The following ZNF574 variants were observed in gnomAD, a reference collection of about 807,000 sequenced individuals.
ZNF574 encodes zinc finger protein 574.
ZNF574 carries 25 observed loss-of-function variants against 56.6 expected under a neutral mutation model. That is an observed-to-expected ratio of 0.44 (90% CI 0.32 to 0.62). The LOEUF is 0.62. Ranked by LOEUF, ZNF574 falls within the 20% of genes least tolerant of loss-of-function variation. The probability of loss-of-function intolerance (pLI) is 0.04; values close to 1 mark genes in which losing one functional copy is unlikely to be tolerated. For missense variants in ZNF574, 1,065 were observed against 1,218.9 expected (o/e 0.87, Z 1.88); for synonymous variants, 543 against 492.1 (o/e 1.10, Z -1.37).
intron 1 of ZNF574, chr19:42,069,059 G>A: frequency 2.1e-6 from 1 of 466,390 alleles, no homozygotes; most frequent in Admixed American, 4.0e-5. Context: ...AAGAAGAGGT[G>A]AGAAGAGGTC....
Position 42,080,243 on chromosome 19 carries a change from C to T in ZNF574, c.1637C>T (p.Thr546Ile), listed in dbSNP as rs2076488569. 1 of 1,614,176 alleles carries T rather than the reference C, an allele frequency of 6.2e-7. No homozygotes were observed. Among genetic ancestry groups the T allele is most frequent in the Non-Finnish European group, 8.5e-7 (1 of 1,180,034 alleles). The change falls in exon 2 of 2, where the codon ACA (threonine) becomes ATA (isoleucine). Residue 546 changes from threonine (T) to isoleucine (I), a missense_variant. Transcript: ENST00000359044. The surrounding 1 kb of genome is among the most constrained non-coding windows in gnomAD (Gnocchi z 8.5). ...ANLARHRLTH[T>I]GERPYRCGDC... ...CTGGCCCGCCACCGGCTCACACACA[C>T]AGGAGAGCGGCCCTACCGGTGTGGG...
At chr19:42,072,236 CTTTTTTT>C (rs1200141888), upstream of ZNF574, among the ~76,000 whole-genome samples, 2 of 135,176 alleles carry the variant, frequency 1.5e-5, no homozygotes, top group East Asian at 4.2e-4. Context: ...TTTTCCTTTT[CTTTTTTT>C]TTTTTTTTTG....
Position 42,081,400 on chromosome 19 carries a change from C to A in ZNF574, c.*103C>A. On this transcript the variant is annotated 3_prime_UTR_variant, in exon 2 of 2. Transcript: ENST00000359044. Reference sequence around the variant, plus strand: ...TACTGTGTCCCTTCCTCTTCCCATCCCCACCACCTTGTAAGTTCTAAATTG... The same window carrying A: ...TACTGTGTCCCTTCCTCTTCCCATCACCACCACCTTGTAAGTTCTAAATTG... 2 of 1,436,968 alleles carry A rather than the reference C, an allele frequency of 1.4e-6. No homozygotes were observed. Among genetic ancestry groups the A allele is most frequent in the Non-Finnish European group, 2.0e-6 (2 of 1,025,506 alleles). 89.0% of individuals were successfully genotyped at this position (1,436,968 alleles called of 1,614,324 possible). A position where few individuals can be genotyped will look rare whatever the true frequency, so the allele number is the denominator to read the frequency against.
Position 42,078,792 on chromosome 19 carries a change from A to C in ZNF574, c.186A>C (p.Ser62=). 6.2e-7 allele frequency: 1 copy of C among 1,614,058 alleles called. No homozygotes were observed. The highest frequency in any genetic ancestry group is 1.1e-5 in the South Asian group (1 of 91,084). Residue 62 remains serine (S), a synonymous_variant, in exon 2 of 2, where the codon TCA becomes TCC. Coordinates refer to ENST00000359044, the MANE Select transcript of ZNF574 (RefSeq NM_022752.6). The part of the protein sequence containing the change: ...PGVTVATDTA[S]GTGLYQTLVQ... ...TCACTGTGGCCACAGACACAGCTTC[A>C]GGCACGGGCCTCTATCAGACCCTTG...
Position 42,079,201 on chromosome 19 carries a change from G to A in ZNF574, c.595G>A (p.Ala199Thr), listed in dbSNP as rs751640879. The change falls in exon 2 of 2, where the codon GCT (alanine) becomes ACT (threonine). Residue 199 changes from alanine to threonine, a missense_variant. Coordinates refer to ENST00000359044, the MANE Select transcript of ZNF574 (RefSeq NM_022752.6). This position sits in a 1 kb window ranked among gnomAD's most constrained non-coding sequence, Gnocchi z 4.3. ...GGAAGGGGCGACTGTCCCATCTGCC[G>A]CTGCCACCACCACTGAGGTAGTGAC... ...GGEGATVPSAAATTTEVVTEV... is the reference protein window; with the variant it reads ...GGEGATVPSATATTTEVVTEV... 6.8e-6 allele frequency: 11 copies of A among 1,613,836 alleles called. No homozygotes were observed. The highest frequency in any genetic ancestry group is 2.2e-5 in the East Asian group (1 of 44,874).
At chr19:42,072,224 T>C (rs1568940800), upstream of ZNF574, among the ~76,000 whole-genome samples, 1 of 151,280 alleles carries the variant, frequency 6.6e-6, no homozygotes, top group African/African-American at 2.4e-5. Flanking sequence ...AATTTTCTTT[T>C]TTTTTCCTTT....
chr19:42,079,205 C>T lies in ZNF574; in HGVS notation c.599C>T (p.Ala200Val), dbSNP rs755502441. The T allele has an allele frequency of 6.2e-7, 1 of 1,613,948 alleles. No individual in the cohort carries two copies. The highest frequency in any genetic ancestry group is 8.5e-7 in the Non-Finnish European group (1 of 1,180,016). The change falls in exon 2 of 2, where the codon GCC becomes GTC. Residue 200 changes from alanine (A) to valine (V), a missense_variant. Ala to Val is a moderately conservative substitution (Grantham distance 64). Transcript: ENST00000359044. The surrounding 1 kb of genome is among the most constrained non-coding windows in gnomAD (Gnocchi z 4.3). ...GEGATVPSAAATTTEVVTEVE... is the reference protein window; with the variant it reads ...GEGATVPSAAVTTTEVVTEVE... The stretch of plus-strand genomic sequence containing the variant: ...GGGGCGACTGTCCCATCTGCCGCTG[C>T]CACCACCACTGAGGTAGTGACTGAG...
Position 42,078,866 on chromosome 19 carries a change from C to CA in ZNF574, c.261dup (p.Pro88ThrfsTer24). 6.2e-7 allele frequency: 1 copy of CA among 1,614,088 alleles called. No homozygotes were observed. On this transcript the variant is annotated frameshift_variant, in exon 2 of 2. Transcript: ENST00000359044. LOFTEE classifies it high-confidence loss of function. The stretch of plus-strand genomic sequence containing the variant: ...CTGGAGTGTGGTCAACTGCTGATGT[C>CA]ACCCAGCCAGCTCCTGGAGCACCAG...
In ZNF574 at chr19:42,078,926, C is replaced by T. The variant is rs756286103; in HGVS notation, c.320C>T (p.Ala107Val). 2 of 1,613,942 alleles carry T rather than the reference C, an allele frequency of 1.2e-6. No individual in the cohort carries two copies. Among genetic ancestry groups the T allele is most frequent in the East Asian group, 2.2e-5 (1 of 44,890 alleles). ...CTGAAGATGATGGCACCCCAGGAGG[C>T]AGTGCCAGCTGAGCCATCACCTAAG... ...LHLKMMAPQE[A>V]VPAEPSPKAP... Residue 107 changes from alanine to valine, a missense_variant, in exon 2 of 2, where the codon GCA (alanine) becomes GTA (valine). Physicochemically the swap from Ala to Val is moderately conservative, Grantham distance 64 (BLOSUM62 0). Coordinates refer to ENST00000359044, the MANE Select transcript of ZNF574 (RefSeq NM_022752.6).
At chr19:42,074,613 TAGGCTC>T (rs1340433462), upstream of ZNF574, 1 of 152,098 alleles carries the variant, frequency 6.6e-6, no homozygotes, top group East Asian at 1.9e-4. Flanking sequence ...ATTAGAAACT[TAGGCTC>T]AGGACAGTTG....
upstream of ZNF574, among the ~76,000 whole-genome samples, chr19:42,073,200 A>G (rs2076435820): frequency 6.6e-6 from 1 of 152,138 alleles, no homozygotes; most frequent in Non-Finnish European, 1.5e-5. Context: ...CTTCCTAACT[A>G]TGGGAACTAC....
At chr19:42,075,869 T>C (rs957855670), upstream of ZNF574, among the ~76,000 whole-genome samples, 1 of 151,996 alleles carries the variant, frequency 6.6e-6, no homozygotes, top group African/African-American at 2.4e-5. Flanking sequence ...CCGCTCAGAG[T>C]TCCCCTCTGG....
upstream of ZNF574, chr19:42,074,529 C>G (rs753322769): frequency 1.3e-5 from 2 of 152,050 alleles, no homozygotes; most frequent in Admixed American, 6.5e-5. Flanking sequence ...TCCTAGATGT[C>G]TTTTACTCTC....
rs200064399 is a variant in ZNF574 at position 42,079,329 on chromosome 19, A to G, written c.723A>G (p.Val241=). 56 of 1,613,412 alleles carry G rather than the reference A, an allele frequency of 3.5e-5. No individual in the cohort carries two copies. The South Asian group carries it at 3.6e-4, about 10-fold the overall frequency. ...EHQATHFPAP[V]PESQEPALQQ... ...AGGCCACTCACTTCCCTGCTCCTGT[A>G]CCCGAGTCTCAGGAGCCTGCCTTAC... Residue 241 remains valine (V), a synonymous_variant, in exon 2 of 2, where the codon GTA becomes GTG. Coordinates refer to ENST00000359044, the MANE Select transcript of ZNF574 (RefSeq NM_022752.6). This position sits in a 1 kb window ranked among gnomAD's most constrained non-coding sequence, Gnocchi z 4.3.
rs749445911 is a variant in ZNF574, at chr19:42,079,818, C to G, written c.1212C>G (p.Thr404=). 3 of 1,614,082 alleles carry G rather than the reference C, an allele frequency of 1.9e-6. No individual in the cohort carries two copies. The highest frequency in any genetic ancestry group is 2.7e-5 in the African/African-American group (2 of 74,932). The change falls in exon 2 of 2, where the codon ACC becomes ACG. Residue 404 remains threonine (T), a synonymous_variant. Transcript: ENST00000359044. The surrounding 1 kb of genome is among the most constrained non-coding windows in gnomAD (Gnocchi z 4.3). ...GTGGGAAGACCTTTGTCAACCTTAC[C>G]AAGTTCCTTTATCACCGGCGTACTC... ...CPCGKTFVNL[T]KFLYHRRTHG...
chr19:42,069,142 G>T, intron 1 of ZNF574: 1 of 405,134 alleles, frequency 2.5e-6, no homozygotes, highest in Non-Finnish European at 4.4e-6. Flanking sequence ...TGCCAGTCCG[G>T]AGAACGGGGA....
intron 1 of ZNF574, among the ~76,000 whole-genome samples, chr19:42,078,289 T>G (rs1471364913): frequency 6.6e-6 from 1 of 151,526 alleles, no homozygotes; most frequent in Non-Finnish European, 1.5e-5. Context: ...CACTGTGAGG[T>G]GTGGGAGATG....
Position 42,079,076 on chromosome 19 carries a change from C to T in ZNF574, c.470C>T (p.Pro157Leu). The T allele has an allele frequency of 1.2e-6, 2 of 1,614,188 alleles. No homozygotes were observed. Among genetic ancestry groups the T allele is most frequent in the Non-Finnish European group, 1.7e-6 (2 of 1,180,026 alleles). Residue 157 changes from proline (P) to leucine (L), a missense_variant, in exon 2 of 2, where the codon CCT becomes CTT. By Grantham distance (98) the Pro-to-Leu change is moderately conservative. Transcript: ENST00000359044. This position sits in a 1 kb window ranked among gnomAD's most constrained non-coding sequence, Gnocchi z 4.3. Reference protein sequence around the residue: ...THLRATPTKAPAPVVLGSPVV... With the variant: ...THLRATPTKALAPVVLGSPVV... ...CTCCGGGCCACACCCACCAAGGCTC[C>T]TGCCCCTGTTGTCCTGGGGTCCCCA...
rs1204007965 is a variant in ZNF574 at position 42,079,933 on chromosome 19, G to A, written c.1327G>A (p.Gly443Arg). ...GFPEPAPAET[G>R]EPEAPEPPVS... is the part of the protein sequence containing the mutation. ...CCCTGAGCCAGCCCCAGCAGAGACT[G>A]GAGAGCCAGAGGCCCCTGAGCCCCC... is the stretch of plus-strand genomic sequence containing the variant. Residue 443 changes from glycine to arginine, a missense_variant, in exon 2 of 2, where the codon GGA (glycine) becomes AGA (arginine). Gly to Arg is a moderately radical substitution (Grantham distance 125, BLOSUM62 -2). Coordinates refer to ENST00000359044, the MANE Select transcript of ZNF574 (RefSeq NM_022752.6). The surrounding 1 kb of genome is among the most constrained non-coding windows in gnomAD (Gnocchi z 4.3). 31 of 1,613,794 alleles carry A rather than the reference G, an allele frequency of 1.9e-5. No individual in the cohort carries two copies. The highest frequency in any genetic ancestry group is 6.6e-5 in the South Asian group (6 of 91,074).
Sources: allele counts gnomAD v4.1 joint callset (sites outside exome capture counted in the v4.1 genomes callset), GRCh38; gene constraint gnomAD v4.1.1; non-coding constraint Gnocchi (gnomAD v3.1); transcripts MANE v1.5; gene names NCBI Gene and HGNC (gene_info 2026-07-23, HGNC 2026-07-21).